KATNA1: variants seen among roughly 807,000 people sequenced by gnomAD.
The protein encoded by KATNA1 is katanin catalytic subunit A1.
KATNA1 carries 42 observed loss-of-function variants against 62.6 expected under a neutral mutation model. The observed-to-expected ratio is 0.67, with a 90% confidence interval of 0.52 to 0.87. KATNA1 has a LOEUF of 0.87. KATNA1 is among the 40% of genes least tolerant of loss of function. The pLI is 0.00. For synonymous variants in KATNA1, 186 were observed against 201.9 expected (o/e 0.92, Z 0.67); for missense variants, 498 against 612.5 (o/e 0.81, Z 1.97).
chr6:149,619,333 C>T (rs1174903124), intron 4 of KATNA1, among the ~76,000 whole-genome samples: 1 of 152,114 alleles, frequency 6.6e-6, no homozygotes, highest in Non-Finnish European at 1.5e-5. Context: ...ACAAAAACTG[C>T]TGGGCGTGGT....
intron 4 of KATNA1, among the ~76,000 whole-genome samples, chr6:149,608,620 T>G (rs1398329641): frequency 1.3e-5 from 2 of 152,064 alleles, no homozygotes; most frequent in Non-Finnish European, 2.9e-5. Context: ...CCCACCAGGG[T>G]AGAATCAGAG....
intron 4 of KATNA1, among the ~76,000 whole-genome samples, chr6:149,622,664 T>C (rs1379602749): frequency 6.6e-6 from 1 of 150,518 alleles, no homozygotes; most frequent in African/African-American, 2.4e-5. Flanking sequence ...ACTAAGGTTT[T>C]ATTAGAGCGC....
At chr6:149,635,926 G>GCACA (rs1426072781) in intron 2 of KATNA1, among the ~76,000 whole-genome samples, 1 of 146,894 alleles carries the variant, frequency 6.8e-6, no homozygotes, top group East Asian at 2.1e-4. Context: ...GTGGTGGTGG[G>GCACA]CTCCTGTAAT....
At chr6:149,646,242 G>T (rs933619940) in intron 1 of KATNA1, among the ~76,000 whole-genome samples, 2 of 151,944 alleles carry the variant, frequency 1.3e-5, no homozygotes, top group African/African-American at 4.8e-5. Flanking sequence ...ATTCTAGGTG[G>T]GTTTTCTTTG....
intron 3 of KATNA1, among the ~76,000 whole-genome samples, chr6:149,624,799 G>A (rs1277982121): frequency 6.6e-6 from 1 of 151,374 alleles, no homozygotes; most frequent in Non-Finnish European, 1.5e-5. Flanking sequence ...AACAAAAAAG[G>A]AGTCCTATTC....
chr6:149,612,323 C>A (rs1483457285), intron 4 of KATNA1, among the ~76,000 whole-genome samples: 1 of 152,082 alleles, frequency 6.6e-6, no homozygotes, highest in Non-Finnish European at 1.5e-5. Flanking sequence ...GCCTGACCAA[C>A]ATGGTGAAAC....
intron 1 of KATNA1, among the ~76,000 whole-genome samples, chr6:149,640,836 C>G (rs968268589): frequency 2.6e-5 from 4 of 151,106 alleles, no homozygotes. Context: ...CGTGAGCCAC[C>G]ATGCCTGGCC....
At chr6:149,605,663 A>T (rs994335676) in intron 4 of KATNA1, among the ~76,000 whole-genome samples, 3 of 152,224 alleles carry the variant, frequency 2.0e-5, no homozygotes, top group Admixed American at 6.5e-5. Flanking sequence ...TTTTTGAAAG[A>T]AACACAGCAA....
Position 149,616,598 on chromosome 6 carries a change from A to G in KATNA1, c.501+6505T>C, listed in dbSNP as rs571784771. ...AACATGGTGAAACCCCATCTCTACT[A>G]AAAAAATTAGTCGGGCCTGGTGGCG... On this transcript the variant is annotated intron_variant, in intron 4 of 10. Transcript: ENST00000367411. Among the ~76,000 whole-genome samples the G allele has an allele frequency of 2.6e-5, 4 of 152,156 alleles. No individual in the cohort carries two copies. In the Middle Eastern group the frequency reaches 0.01, roughly 388 times the overall value.
chr6:149,623,141 G>A lies in KATNA1; in HGVS notation c.463C>T (p.Arg155Cys), dbSNP rs745424629. Residue 155 changes from arginine to cysteine, a missense_variant, in exon 4 of 11, where the codon CGT (arginine) becomes TGT (cysteine). Arg to Cys is a radical substitution (Grantham distance 180). Around this residue, in one of 3 missense-constraint regions of KATNA1, gnomAD observed 203 missense variants for 198.4 expected, o/e 1.02. Transcript: ENST00000367411. ...CCTTTATTCTGTTCTTTCTTTTCAC[G>A]ACAACGAACAGCTTTCCCTCTGTCA... ...HNDRGKAVRCREKKEQNKGRE... is the reference protein window; with the variant it reads ...HNDRGKAVRCCEKKEQNKGRE... 4.4e-6 allele frequency: 7 copies of A among 1,605,478 alleles called. No individual in the cohort carries two copies. Among genetic ancestry groups the A allele is most frequent in the South Asian group, 2.3e-5 (2 of 88,782 alleles).
At chr6:149,597,433 A>G in intron 9 of KATNA1, 74 bp downstream of exon 9, 1 of 1,558,342 alleles carries the variant, frequency 6.4e-7, no homozygotes, top group Non-Finnish European at 8.8e-7. Context: ...GTTAGTTAAT[A>G]ACAAATTTTA....
Position 149,597,649 on chromosome 6 carries a change from A to G in KATNA1, c.1016-8T>C. The G allele has an allele frequency of 6.2e-7, 1 of 1,612,910 alleles. No homozygotes were observed. Among genetic ancestry groups the G allele is most frequent in the Non-Finnish European group, 8.5e-7 (1 of 1,179,168 alleles). On this transcript the variant is annotated splice_region_variant and splice_polypyrimidine_tract_variant and intron_variant, in intron 8 of 10. Transcript: ENST00000367411. ...CAGAAGTACCTCCAACACCTAAAAT[A>G]AGGGTAAGGGGAGAGTGAAAAAGAT... is the stretch of plus-strand genomic sequence containing the variant.
At chr6:149,638,844 C>G (rs1332078474) in intron 1 of KATNA1, among the ~76,000 whole-genome samples, 2 of 143,544 alleles carry the variant, frequency 1.4e-5, no homozygotes, top group African/African-American at 5.1e-5. Flanking sequence ...TCAAGCAATT[C>G]TCCCACCTCA....
chr6:149,632,753 A>T lies in KATNA1; in HGVS notation c.320+6T>A. 1 of 1,599,214 alleles carries T rather than the reference A, an allele frequency of 6.3e-7. No individual in the cohort carries two copies. Among genetic ancestry groups the T allele is most frequent in the Non-Finnish European group, 8.5e-7 (1 of 1,176,368 alleles). On this transcript the variant is annotated splice_donor_region_variant and intron_variant, in intron 3 of 10. Transcript: ENST00000367411. ...ATAACTGGTTTCTTAAAAGGTTTCCACTTACCTTCGTTCAACAGGTACAGG... is the reference window on the plus strand; with the variant it reads ...ATAACTGGTTTCTTAAAAGGTTTCCTCTTACCTTCGTTCAACAGGTACAGG...
At chr6:149,633,563 C>A (rs760769766) in intron 2 of KATNA1, among the ~76,000 whole-genome samples, 9 of 145,450 alleles carry the variant, frequency 6.2e-5, no homozygotes, top group Non-Finnish European at 1.4e-4. Flanking sequence ...AAAACCCCAT[C>A]TCTACTAAAA....
chr6:149,641,004 G>T (rs1051127636), intron 1 of KATNA1, among the ~76,000 whole-genome samples: 1 of 152,004 alleles, frequency 6.6e-6, no homozygotes, highest in Non-Finnish European at 1.5e-5. Context: ...CTGAGTAGCT[G>T]GGATTACAGG....
intron 1 of KATNA1, among the ~76,000 whole-genome samples, chr6:149,639,825 A>C (rs1376059481): frequency 6.6e-6 from 1 of 152,122 alleles, no homozygotes; most frequent in African/African-American, 2.4e-5. Context: ...CAGTTTCTAT[A>C]TATGTCTTAT....
chr6:149,620,105 A>C (rs1281309093), intron 4 of KATNA1, among the ~76,000 whole-genome samples: 1 of 152,166 alleles, frequency 6.6e-6, no homozygotes, highest in Non-Finnish European at 1.5e-5. Flanking sequence ...GATAAATAAC[A>C]CATGTTCTCA....
chr6:149,615,954 A>G (rs1217075461), intron 4 of KATNA1, among the ~76,000 whole-genome samples: 2 of 152,190 alleles, frequency 1.3e-5, no homozygotes, highest in Non-Finnish European at 2.9e-5. Flanking sequence ...GATAGCAGGG[A>G]CGGCTATAAA....
Sources: gnomAD v4.1 joint callset for allele counts (sites outside exome capture counted in the v4.1 genomes callset) on GRCh38, gnomAD v4.1.1 for gene constraint, gnomAD v4.1.1 regional missense constraint, MANE v1.5 for transcripts, NCBI Gene and HGNC (gene_info 2026-07-23, HGNC 2026-07-21) for gene names.